The following PKDCC variants were observed in gnomAD, a reference collection of about 807,000 sequenced individuals.
PKDCC encodes the protein extracellular tyrosine-protein kinase PKDCC.
A neutral mutation model predicts 44.7 loss-of-function variants in PKDCC; 35 were observed. That is an observed-to-expected ratio of 0.78 (90% CI 0.60 to 1.04). PKDCC has a LOEUF of 1.04. Among genes scored for constraint, PKDCC ranks in the 50% least tolerant of loss-of-function variants. The pLI is 0.00. For missense variants in PKDCC, 738 were observed against 672.7 expected (o/e 1.10, Z -1.07); for synonymous variants, 353 against 303.3 (o/e 1.16, Z -1.70).
intron 1 of PKDCC, among the ~76,000 whole-genome samples, chr2:42,049,342 T>C (rs996650764): frequency 4.6e-5 from 7 of 152,020 alleles, no homozygotes; most frequent in African/African-American, 1.7e-4. Context: ...AAAGAGACCA[T>C]GTGTCAGGCT....
rs144324838 is a variant in PKDCC at position 42,057,278 on chromosome 2, C to A, written c.1280C>A (p.Ser427Tyr). Reference protein sequence around the residue: ...IPQEDYRCWPSYHHGSCLLSV... With the variant: ...IPQEDYRCWPYYHHGSCLLSV... ...CAGGAAGACTACCGCTGCTGGCCAT[C>A]CTACCACCACGGGAGCTGCCTCCTT... The change falls in exon 6 of 7, where the codon TCC becomes TAC. Residue 427 changes from serine to tyrosine, a missense_variant. Transcript: ENST00000294964. 7.4e-6 allele frequency: 12 copies of A among 1,614,136 alleles called. No individual in the cohort carries two copies. The highest frequency in any genetic ancestry group is 1.0e-5 in the Non-Finnish European group (12 of 1,180,048).
intron 6 of PKDCC, 98 bp downstream of exon 6, chr2:42,057,492 G>T: frequency 6.4e-7 from 1 of 1,563,162 alleles, no homozygotes; most frequent in African/African-American, 1.4e-5. Context: ...GGGGTGCTGA[G>T]GTGATGAGAG....
rs1040594089 is a variant in PKDCC at position 42,052,443 on chromosome 2, G to A, written c.640-796G>A. On this transcript the variant is annotated intron_variant, in intron 1 of 6. Coordinates refer to ENST00000294964, the MANE Select transcript of PKDCC (RefSeq NM_138370.3). The surrounding 1 kb of genome is among the most constrained non-coding windows in gnomAD (Gnocchi z 4.3). ...ATGCTCGCTTGTGTATTACCAAACAGCATTCTTAGAAAAAACAGATTGTGG... is the reference window on the plus strand; with the variant it reads ...ATGCTCGCTTGTGTATTACCAAACAACATTCTTAGAAAAAACAGATTGTGG... 1.7e-4 allele frequency among the ~76,000 whole-genome samples: 26 copies of A among 152,180 alleles called. No homozygotes were observed. Among genetic ancestry groups the A allele is most frequent in the African/African-American group, 4.8e-4 (20 of 41,438 alleles).
rs568541588 is a variant in PKDCC, at chr2:42,052,165, C to G, written c.640-1074C>G. ...GTGGGCAGTTCCCTGTGACCGTAAC[C>G]CCAAAAGAACTGATCTTCCAGGAGG... On this transcript the variant is annotated intron_variant, in intron 1 of 6. Coordinates refer to ENST00000294964, the MANE Select transcript of PKDCC (RefSeq NM_138370.3). This position sits in a 1 kb window ranked among gnomAD's most constrained non-coding sequence, Gnocchi z 4.3. 1.3e-5 allele frequency among the ~76,000 whole-genome samples: 2 copies of G among 152,158 alleles called. No individual in the cohort carries two copies. The highest frequency in any genetic ancestry group is 3.4e-3 in the Middle Eastern group (1 of 294).
At position 42,048,092 on chromosome 2, in the gene PKDCC, T is replaced by C. The variant is rs1217325669; in HGVS notation, c.-108T>C. The stretch of plus-strand genomic sequence containing the variant: ...GGCCGCCGGGGCCATGCGCGCGGGC[T>C]GGGCAGGGGGCCGGCGGGGCGCAGA... On this transcript the variant is annotated 5_prime_UTR_variant, in exon 1 of 7. Transcript: ENST00000294964. The surrounding 1 kb of genome is among the most constrained non-coding windows in gnomAD (Gnocchi z 6.2). The C allele has an allele frequency of 1.2e-5, 7 of 580,008 alleles. No homozygotes were observed. The highest frequency in any genetic ancestry group is 6.3e-5 in the African/African-American group (2 of 31,662). 35.9% of individuals were successfully genotyped at this position (580,008 alleles called of 1,614,324 possible).
At chr2:42,049,355 A>C (rs1667930128) in intron 1 of PKDCC, among the ~76,000 whole-genome samples, 1 of 152,132 alleles carries the variant, frequency 6.6e-6, no homozygotes. Context: ...GTCAGGCTTG[A>C]TTCCTATAGA....
rs1002379923 is a variant in PKDCC at position 42,051,249 on chromosome 2, C to G, written c.640-1990C>G. Among the ~76,000 whole-genome samples the G allele has an allele frequency of 4.0e-5, 6 of 151,294 alleles. No homozygotes were observed. The highest frequency in any genetic ancestry group is 3.3e-4 in the Admixed American group (5 of 15,194). ...CCCTCCCCATCCCGCCCCTGACACACGCATACACACTCCCTCACGTGACTT... is the reference window on the plus strand; with the variant it reads ...CCCTCCCCATCCCGCCCCTGACACAGGCATACACACTCCCTCACGTGACTT... On this transcript the variant is annotated intron_variant, in intron 1 of 6. Transcript: ENST00000294964. The surrounding 1 kb of genome is among the most constrained non-coding windows in gnomAD (Gnocchi z 4.2).
rs1558431447 is a variant in PKDCC, at chr2:42,051,525, G to A, written c.640-1714G>A. Among the ~76,000 whole-genome samples, 1 of 152,116 alleles carries A rather than the reference G, an allele frequency of 6.6e-6. No homozygotes were observed. Among genetic ancestry groups the A allele is most frequent in the African/African-American group, 2.4e-5 (1 of 41,398 alleles). On this transcript the variant is annotated intron_variant, in intron 1 of 6. Transcript: ENST00000294964. The surrounding 1 kb of genome is among the most constrained non-coding windows in gnomAD (Gnocchi z 4.2). ...GTCTTTTTATTTTTTCCTGAGGGGT[G>A]TTGATTAATACCTCGTTAACAGCGC...
At position 42,048,761 on chromosome 2, in the gene PKDCC, T is replaced by A. The variant is rs1667918482; in HGVS notation, c.562T>A (p.Cys188Ser). The change falls in exon 1 of 7, where the codon TGC (cysteine) becomes AGC (serine). Residue 188 changes from cysteine to serine, a missense_variant. Cys to Ser is a moderately radical substitution (Grantham distance 112). Coordinates refer to ENST00000294964, the MANE Select transcript of PKDCC (RefSeq NM_138370.3). This position sits in a 1 kb window ranked among gnomAD's most constrained non-coding sequence, Gnocchi z 6.2. Reference sequence around the variant, plus strand: ...GCGCGAGTTCGGGGTACGGAGGGGCTGCTATCGGCTGGCGGCCCACAAGCT... The same window carrying A: ...GCGCGAGTTCGGGGTACGGAGGGGCAGCTATCGGCTGGCGGCCCACAAGCT... ...CVREFGVRRG[C>S]YRLAAHKLLK... is the part of the protein sequence containing the mutation. The A allele has an allele frequency of 6.3e-7, 1 of 1,580,464 alleles. No homozygotes were observed. Among genetic ancestry groups the A allele is most frequent in the African/African-American group, 1.3e-5 (1 of 74,378 alleles).
chr2:42,054,516 G>C lies in PKDCC; in HGVS notation c.1034+209G>C, dbSNP rs72794538. 1.6e-6 allele frequency: 1 copy of C among 634,724 alleles called. No homozygotes were observed. Among genetic ancestry groups the C allele is most frequent in the African/African-American group, 1.8e-5 (1 of 54,602 alleles). The allele number at this position is 634,724 out of a possible 1,614,324, so 39.3% of individuals were successfully genotyped here. On this transcript the variant is annotated intron_variant, in intron 3 of 6. Transcript: ENST00000294964. This position sits in a 1 kb window ranked among gnomAD's most constrained non-coding sequence, Gnocchi z 6.1. The stretch of plus-strand genomic sequence containing the variant: ...CAGCTCCAAGGAGAATCCGGGTTAG[G>C]GGGTGGCAGCTGGAGGCTTCTTAAA...
In PKDCC at chr2:42,048,214, G is replaced by T. The variant is rs1214923472; in HGVS notation, c.15G>T (p.Arg5=). The T allele has an allele frequency of 2.5e-6, 3 of 1,206,104 alleles. No homozygotes were observed. The highest frequency in any genetic ancestry group is 2.1e-6 in the Non-Finnish European group (2 of 962,434). 74.7% of individuals were successfully genotyped at this position (1,206,104 alleles called of 1,614,324 possible). A position where few individuals can be genotyped will look rare whatever the true frequency, so the allele number is the denominator to read the frequency against. The change falls in exon 1 of 7, where the codon CGG becomes CGT. Residue 5 remains arginine (R), a synonymous_variant. Transcript: ENST00000294964. This position sits in a 1 kb window ranked among gnomAD's most constrained non-coding sequence, Gnocchi z 6.2. MRRR[R]AAVAAGFCAS... ...GGAGGGGAGCGATGCGGCGCCGGCG[G>T]GCGGCAGTGGCCGCGGGTTTCTGCG...
chr2:42,053,712 C>T (rs1358019833), intron 2 of PKDCC, among the ~76,000 whole-genome samples: 1 of 152,184 alleles, frequency 6.6e-6, no homozygotes, highest in African/African-American at 2.4e-5. Flanking sequence ...TCCTGACCCT[C>T]CCGATATTTC....
Position 42,057,645 on chromosome 2 carries a change from T to A in PKDCC, c.1439T>A (p.Val480Asp). 1 of 1,614,008 alleles carries A rather than the reference T, an allele frequency of 6.2e-7. No homozygotes were observed. The highest frequency in any genetic ancestry group is 8.5e-7 in the Non-Finnish European group (1 of 1,180,002). The change falls in exon 7 of 7, where the codon GTC becomes GAC. Residue 480 changes from valine to aspartate, a missense_variant. Coordinates refer to ENST00000294964, the MANE Select transcript of PKDCC (RefSeq NM_138370.3). ...VFFKTGWSQV[V>D]PDPNKTTYVK... ...TTCAAGACTGGATGGAGCCAAGTGG[T>A]CCCTGATCCCAACAAGACCACATAT...
chr2:42,053,998 G>A, intron 2 of PKDCC, 38 bp from the exon 3 acceptor site: 2 of 1,589,450 alleles, frequency 1.3e-6, no homozygotes, highest in Admixed American at 1.7e-5. Flanking sequence ...CCCAACCCAG[G>A]AGAAAAGCAG....
chr2:42,048,365 C>G lies in PKDCC; in HGVS notation c.166C>G (p.Leu56Val). The G allele has an allele frequency of 8.6e-7, 1 of 1,160,130 alleles. No individual in the cohort carries two copies. Among genetic ancestry groups the G allele is most frequent in the Non-Finnish European group, 1.1e-6 (1 of 943,078 alleles). 71.9% of individuals were successfully genotyped at this position (1,160,130 alleles called of 1,614,324 possible). A position where few individuals can be genotyped will look rare whatever the true frequency, so the allele number is the denominator to read the frequency against. ...GPGRRGGRGE[L>V]ARQIRARYEE... ...GGGCCGTCGCGGGGGCCGCGGGGAG[C>G]TGGCCCGGCAGATCCGGGCGCGCTA... Residue 56 changes from leucine (L) to valine (V), a missense_variant, in exon 1 of 7, where the codon CTG becomes GTG. Coordinates refer to ENST00000294964, the MANE Select transcript of PKDCC (RefSeq NM_138370.3). The surrounding 1 kb of genome is among the most constrained non-coding windows in gnomAD (Gnocchi z 6.2).
In PKDCC at chr2:42,048,978, G is replaced by C. The variant is rs1012027830; in HGVS notation, c.639+140G>C. The C allele has an allele frequency of 1.5e-6, 2 of 1,291,134 alleles. No homozygotes were observed. Among genetic ancestry groups the C allele is most frequent in the Non-Finnish European group, 2.0e-6 (2 of 1,008,266 alleles). The allele number at this position is 1,291,134 out of a possible 1,614,324, so 80.0% of individuals were successfully genotyped here. ...AGCTAGACGCAGAAACCGGACCATG[G>C]CCCTTCCCACTGCACCACCCTGCTT... On this transcript the variant is annotated intron_variant, in intron 1 of 6. Transcript: ENST00000294964. This position sits in a 1 kb window ranked among gnomAD's most constrained non-coding sequence, Gnocchi z 6.2.
intron 2 of PKDCC, 96 bp downstream of exon 2, chr2:42,053,457 C>T (rs931120185): frequency 2.0e-6 from 3 of 1,469,942 alleles, no homozygotes; most frequent in Non-Finnish European, 2.7e-6. Flanking sequence ...TCCTCCTCCA[C>T]CCAGGGAGAG....
chr2:42,053,135 C>T, intron 1 of PKDCC, 104 bp from the exon 2 acceptor site: 2 of 1,314,282 alleles, frequency 1.5e-6, no homozygotes. Context: ...GAAGCAAAGG[C>T]CTGGGGATGG....
intron 6 of PKDCC, 87 bp from the exon 7 acceptor site, chr2:42,057,516 T>C: frequency 4.5e-6 from 7 of 1,554,360 alleles, no homozygotes; most frequent in Non-Finnish European, 6.2e-6. Context: ...GGTATACGTG[T>C]CTTCAAGGCA....
Sources: gnomAD v4.1 joint callset for allele counts (sites outside exome capture counted in the v4.1 genomes callset) on GRCh38, gnomAD v4.1.1 for gene constraint, Gnocchi (gnomAD v3.1) non-coding constraint, MANE v1.5 for transcripts, NCBI Gene and HGNC (gene_info 2026-07-23, HGNC 2026-07-21) for gene names.